MAPK10: variants seen among roughly 807,000 people sequenced by gnomAD.
MAPK10 encodes the protein JNK3 alpha protein kinase.
MAPK10 carries 25 observed loss-of-function variants against 59.3 expected under a neutral mutation model. The observed-to-expected ratio is 0.42, with a 90% CI of 0.31 to 0.59. The LOEUF is 0.59. Among genes scored for constraint, MAPK10 ranks in the 20% least tolerant of loss-of-function variants. The probability of loss-of-function intolerance (pLI) is 0.15; values close to 1 mark genes in which losing one functional copy is unlikely to be tolerated. For synonymous variants in MAPK10, 190 were observed against 200.5 expected (o/e 0.95, Z 0.44); for missense variants, 351 against 568.9 (o/e 0.62, Z 3.90).
intron 2 of MAPK10, among the ~76,000 whole-genome samples, chr4:86,266,318 T>C (rs759885455): frequency 2.0e-5 from 3 of 152,182 alleles, no homozygotes; most frequent in Non-Finnish European, 1.5e-5. Flanking sequence ...TACTACTTAA[T>C]AGCTGTATGA....
chr4:86,551,053 A>C (rs1165240059), intron 1 of MAPK10, among the ~76,000 whole-genome samples: 1 of 152,218 alleles, frequency 6.6e-6, no homozygotes, highest in African/African-American at 2.4e-5. Context: ...ATTAAAGAAG[A>C]ACTCTGTGAA....
chr4:86,168,451 G>T (rs142457343), intron 3 of MAPK10, among the ~76,000 whole-genome samples: 1 of 152,168 alleles, frequency 6.6e-6, no homozygotes, highest in Non-Finnish European at 1.5e-5. Flanking sequence ...ACGGAGTCTC[G>T]CTGATTGCTA....
intron 1 of MAPK10, among the ~76,000 whole-genome samples, chr4:86,380,350 C>G (rs1002120150): frequency 6.6e-6 from 1 of 152,154 alleles, no homozygotes; most frequent in Non-Finnish European, 1.5e-5. Context: ...GTCTGATTTC[C>G]CTGACATCAG....
At chr4:86,490,524 C>A (rs1014012438) in intron 1 of MAPK10, among the ~76,000 whole-genome samples, 1 of 152,162 alleles carries the variant, frequency 6.6e-6, no homozygotes, top group Non-Finnish European at 1.5e-5. Context: ...TCAACTTTTA[C>A]AAAATTTAAA....
At chr4:86,119,567 G>C (rs1034837675) in intron 4 of MAPK10, 1 of 122,238 alleles carries the variant, frequency 8.2e-6, no homozygotes, top group Admixed American at 1.0e-4. Context: ...CTGGGTGACA[G>C]AGCAAGACTC....
At chr4:86,145,564 TAACA>T (rs1318437454) in intron 4 of MAPK10, among the ~76,000 whole-genome samples, 1 of 152,200 alleles carries the variant, frequency 6.6e-6, no homozygotes, top group African/African-American at 2.4e-5. Context: ...AATTGTTCTC[TAACA>T]ATTATTTTTG....
At chr4:86,061,632 A>G (rs1326151418) in intron 11 of MAPK10, among the ~76,000 whole-genome samples, 1 of 152,174 alleles carries the variant, frequency 6.6e-6, no homozygotes, top group African/African-American at 2.4e-5. Flanking sequence ...CTAATAGCTT[A>G]GCACACATAG....
At chr4:86,555,431 G>C (rs1045300902) in intron 1 of MAPK10, among the ~76,000 whole-genome samples, 4 of 152,144 alleles carry the variant, frequency 2.6e-5, no homozygotes, top group Admixed American at 2.6e-4. Context: ...GGGTGACAGA[G>C]TTGAGACTCC....
chr4:86,143,974 TG>T (rs1053357511), intron 4 of MAPK10, among the ~76,000 whole-genome samples: 43 of 152,300 alleles, frequency 2.8e-4, no homozygotes, highest in African/African-American at 1.0e-3. Context: ...AGAATAAGGG[TG>T]AAAACAGCAT....
At chr4:86,324,017 G>A (rs12502371) in intron 2 of MAPK10, among the ~76,000 whole-genome samples, 1,529 of 152,226 alleles carry the variant, frequency 0.01, 7 homozygotes, top group Non-Finnish European at 0.015. Context: ...TAATAAAACT[G>A]TACAGCTTCT....
intron 3 of MAPK10, among the ~76,000 whole-genome samples, chr4:86,161,311 G>T (rs2069563821): frequency 6.6e-6 from 1 of 152,002 alleles, no homozygotes; most frequent in South Asian, 2.1e-4. Context: ...TAAAAATCAG[G>T]ACATTGCAAG....
At chr4:86,152,790 A>T (rs115306976) in intron 4 of MAPK10, among the ~76,000 whole-genome samples, 3,574 of 152,268 alleles carry the variant, frequency 0.023, 140 homozygotes, top group African/African-American at 0.081. Context: ...TAAAAAAAAC[A>T]AAGCCAGCTT....
At chr4:86,571,327 C>CGT (rs34133535) in intron 1 of MAPK10, among the ~76,000 whole-genome samples, 10,961 of 139,594 alleles carry the variant, frequency 0.079, 570 homozygotes, top group African/African-American at 0.15. Flanking sequence ...TATATATATA[C>CGT]GTGTGTGTGT....
intron 1 of MAPK10, among the ~76,000 whole-genome samples, chr4:86,475,117 C>T (rs1752972201): frequency 6.6e-6 from 1 of 152,130 alleles, no homozygotes. Context: ...CTCCATCTCT[C>T]TTCACTGACT....
intron 4 of MAPK10, among the ~76,000 whole-genome samples, chr4:86,110,699 T>C (rs936204241): frequency 2.0e-5 from 3 of 152,186 alleles, no homozygotes; most frequent in Non-Finnish European, 2.9e-5. Flanking sequence ...TTGCTTAGGA[T>C]TGTCTTGGCT....
chr4:86,385,549 C>A (rs1741345460), intron 1 of MAPK10, among the ~76,000 whole-genome samples: 1 of 152,084 alleles, frequency 6.6e-6, no homozygotes, highest in African/African-American at 2.4e-5. Context: ...ATAAATTAAT[C>A]ATATATCTTT....
intron 11 of MAPK10, among the ~76,000 whole-genome samples, chr4:86,060,124 C>G (rs529955882): frequency 6.6e-6 from 1 of 152,200 alleles, no homozygotes; most frequent in South Asian, 2.1e-4. Flanking sequence ...CCTGTCCCAT[C>G]TTAGGGGATG....
At chr4:86,251,528 G>A (rs1265743766) in intron 2 of MAPK10, among the ~76,000 whole-genome samples, 1 of 135,080 alleles carries the variant, frequency 7.4e-6, no homozygotes, top group Non-Finnish European at 1.6e-5. Flanking sequence ...TGGCTGCATA[G>A]TATTCCATGG....
At chr4:86,418,718 C>T (rs764412948) in intron 1 of MAPK10, among the ~76,000 whole-genome samples, 8 of 152,196 alleles carry the variant, frequency 5.3e-5, no homozygotes, top group African/African-American at 2.4e-5. Context: ...GACACTTGCA[C>T]ATGCATGTTT....
Sources: allele counts gnomAD v4.1 joint callset (sites outside exome capture counted in the v4.1 genomes callset), GRCh38; gene constraint gnomAD v4.1.1; transcripts MANE v1.5; gene names NCBI Gene and HGNC (gene_info 2026-07-23, HGNC 2026-07-21).